Variants in DNM3 observed in about 807,000 individuals in gnomAD.
DNM3 encodes dynamin 3, also known as dynamin-3.
A neutral mutation model predicts 101.6 loss-of-function variants in DNM3; 47 were observed. The observed-to-expected ratio is 0.46, with a 90% CI of 0.37 to 0.59. The LOEUF (loss-of-function observed/expected upper bound fraction) is 0.59. DNM3 is among the 20% of genes least tolerant of loss of function. The pLI is 0.00. For synonymous variants in DNM3, 385 were observed against 387.9 expected, an observed-to-expected ratio of 0.99 and a Z score of 0.09; for missense variants, 849 against 1,085.7, an observed-to-expected ratio of 0.78 and a Z score of 3.06.
In DNM3 at chr1:171,968,778, T is replaced by C. The variant is rs1285184527; in HGVS notation, c.236-18878T>C. On this transcript the variant is annotated intron_variant, in intron 2 of 20. Transcript: ENST00000627582. Reference sequence around the variant, plus strand: ...TCTGTCCCATTTGCTTACTAAGCTATACTAAGGGAAAAAAAATGGGACTAA... The same window carrying C: ...TCTGTCCCATTTGCTTACTAAGCTACACTAAGGGAAAAAAAATGGGACTAA... Among the ~76,000 whole-genome samples, 2 of 152,118 alleles carry C rather than the reference T, an allele frequency of 1.3e-5. 1 individual carries two copies. The highest frequency in any genetic ancestry group is 4.8e-5 in the African/African-American group (2 of 41,434).
rs115098951 is a variant in DNM3 at position 172,088,572 on chromosome 1, A to G, written c.1494-4252A>G. ...GCTTTTAAGATCACTTACAAACCCCAGTCTATGATTGGATAATTCTACCAT... is the reference window on the plus strand; with the variant it reads ...GCTTTTAAGATCACTTACAAACCCCGGTCTATGATTGGATAATTCTACCAT... On this transcript the variant is annotated intron_variant, in intron 12 of 20. Transcript: ENST00000627582. Among the ~76,000 whole-genome samples, 1,075 of 152,232 alleles carry G rather than the reference A, an allele frequency of 7.1e-3. 18 individuals are homozygous for G. Among genetic ancestry groups the G allele is most frequent in the African/African-American group, 0.024 (1,013 of 41,528 alleles).
At chr1:171,932,152 T>C (rs1316434083) in intron 2 of DNM3, among the ~76,000 whole-genome samples, 3 of 147,740 alleles carry the variant, frequency 2.0e-5, no homozygotes, top group East Asian at 4.0e-4. Context: ...CCTTCTTTCC[T>C]CATTTTTGAG....
rs57685535 is a variant in DNM3 at position 172,294,911 on chromosome 1, CAA to C, written c.1770-13799_1770-13798del. On this transcript the variant is annotated intron_variant, in intron 15 of 20. Coordinates refer to ENST00000627582, the MANE Select transcript of DNM3 (RefSeq NM_015569.5). The stretch of plus-strand genomic sequence containing the variant: ...TGGGCAACAGAGCCAGACTTTGTCT[CAA>C]AAAAAAAAAAAAAAAAAGTAAAAAG... 5.5e-3 allele frequency among the ~76,000 whole-genome samples: 476 copies of C among 86,968 alleles called. 5 individuals carry two copies. Among genetic ancestry groups the C allele is most frequent in the African/African-American group, 0.017 (423 of 24,806 alleles). The allele number at this position is 86,968 out of a possible 152,430, so 57.1% of individuals were successfully genotyped here.
At chr1:172,290,681 CA>C (rs1264041241) in intron 15 of DNM3, among the ~76,000 whole-genome samples, 1 of 152,104 alleles carries the variant, frequency 6.6e-6, no homozygotes, top group Non-Finnish European at 1.5e-5. Context: ...TTGTGATAAT[CA>C]TCCCAATGAG....
intron 2 of DNM3, among the ~76,000 whole-genome samples, chr1:171,973,596 TG>T (rs1251781080): frequency 6.6e-5 from 10 of 151,978 alleles, no homozygotes; most frequent in African/African-American, 2.4e-4. Flanking sequence ...AACTGAGGCT[TG>T]GGGAAGTTAA....
intron 1 of DNM3, among the ~76,000 whole-genome samples, chr1:171,859,345 T>C (rs2033942298): frequency 6.6e-6 from 1 of 152,212 alleles, no homozygotes; most frequent in Non-Finnish European, 1.5e-5. Context: ...CATAATTCTC[T>C]GAGCATTTCT....
At position 172,172,958 on chromosome 1, in the gene DNM3, A is replaced by G. The variant is rs116737481; in HGVS notation, c.1659+41670A>G. 3.1e-3 allele frequency among the ~76,000 whole-genome samples: 476 copies of G among 152,004 alleles called. 2 individuals are homozygous for G. Among genetic ancestry groups the G allele is most frequent in the Non-Finnish European group, 5.8e-3 (392 of 67,878 alleles). On this transcript the variant is annotated intron_variant, in intron 14 of 20. Transcript: ENST00000627582. ...CCTTTTAACCTCTTTTAGTAATTCT[A>G]TCTATCATTTGTGCTATGCACATAA... is the stretch of plus-strand genomic sequence containing the variant.
In DNM3 at chr1:172,028,929, C is replaced by CA. The variant is rs965311194; in HGVS notation, c.590-3465dup. The stretch of plus-strand genomic sequence containing the variant: ...AGGCAGTAATTAATAGCCTACCAAC[C>CA]AAAAAAAAGCCCAGGACCAGATAGA... On this transcript the variant is annotated intron_variant, in intron 4 of 20. Coordinates refer to ENST00000627582, the MANE Select transcript of DNM3 (RefSeq NM_015569.5). Among the ~76,000 whole-genome samples the CA allele has an allele frequency of 5.3e-5, 8 of 151,562 alleles. No individual in the cohort carries two copies. The South Asian group carries it at 1.0e-3, about 20-fold the overall frequency.
intron 17 of DNM3, among the ~76,000 whole-genome samples, chr1:172,370,592 A>C (rs1332252303): frequency 6.6e-6 from 1 of 151,950 alleles, no homozygotes; most frequent in African/African-American, 2.4e-5. Context: ...ATTTTGTGCC[A>C]GGTACTCTTC....
At chr1:171,993,067 A>G (rs913162020) in intron 4 of DNM3, among the ~76,000 whole-genome samples, 11 of 152,084 alleles carry the variant, frequency 7.2e-5, no homozygotes, top group African/African-American at 2.4e-4. Context: ...GCCTATCAAC[A>G]CAGAAATATA....
intron 17 of DNM3, among the ~76,000 whole-genome samples, chr1:172,330,667 C>A (rs191459568): frequency 1.3e-5 from 2 of 151,664 alleles, no homozygotes; most frequent in African/African-American, 4.8e-5. Context: ...CTTTGTGTAA[C>A]TTTCAAAAAA....
chr1:172,354,659 G>A (rs1256099742), intron 17 of DNM3, among the ~76,000 whole-genome samples: 2 of 152,096 alleles, frequency 1.3e-5, no homozygotes, highest in Non-Finnish European at 2.9e-5. Context: ...TGTGACAATT[G>A]CTCTTTTAAA....
chr1:172,131,281 A>G lies in DNM3; in HGVS notation c.1652A>G (p.Asp551Gly). 1.2e-6 allele frequency: 2 copies of G among 1,612,844 alleles called. No individual in the cohort carries two copies. The highest frequency in any genetic ancestry group is 1.7e-6 in the Non-Finnish European group (2 of 1,179,154). Reference sequence around the variant, plus strand: ...GCGGAAAGCTTGTCCTGGTATAAAGATGATGAGGTAAGTCACAGAGAGTGA... The same window carrying G: ...GCGGAAAGCTTGTCCTGGTATAAAGGTGATGAGGTAAGTCACAGAGAGTGA... The part of the protein sequence containing the change: ...LTAESLSWYK[D>G]DEEKEKKYML... Residue 551 changes from aspartate to glycine, a missense_variant, in exon 14 of 21, where the codon GAT (aspartate) becomes GGT (glycine). This residue lies in a region of DNM3 where 193 missense variants were observed against 238.4 expected (regional missense o/e 0.81). Transcript: ENST00000627582.
At chr1:172,306,498 T>G (rs553384376) in intron 15 of DNM3, among the ~76,000 whole-genome samples, 1 of 152,258 alleles carries the variant, frequency 6.6e-6, no homozygotes, top group African/African-American at 2.4e-5. Flanking sequence ...AAGCTAACAA[T>G]GACTTTCTTC....
At chr1:171,874,472 G>A (rs1029440234) in intron 1 of DNM3, among the ~76,000 whole-genome samples, 1 of 152,134 alleles carries the variant, frequency 6.6e-6, no homozygotes, top group South Asian at 2.1e-4. Flanking sequence ...CTTAGATATT[G>A]CAGTGACAAA....
At chr1:171,888,594 T>G (rs1401776727) in intron 1 of DNM3, among the ~76,000 whole-genome samples, 2 of 152,182 alleles carry the variant, frequency 1.3e-5, no homozygotes, top group South Asian at 4.1e-4. Context: ...ACTTCTAAGG[T>G]TATTATGAGG....
At position 171,970,107 on chromosome 1, in the gene DNM3, G is replaced by T. The variant is rs532194275; in HGVS notation, c.236-17549G>T. Reference sequence around the variant, plus strand: ...TAAGCACTTATTCTTATTTGGCATAGATAGTTCCTTCCTTCTGCATCCTAC... The same window carrying T: ...TAAGCACTTATTCTTATTTGGCATATATAGTTCCTTCCTTCTGCATCCTAC... On this transcript the variant is annotated intron_variant, in intron 2 of 20. Transcript: ENST00000627582. 2.7e-5 allele frequency: 7 copies of T among 258,462 alleles called. 1 individual carries two copies. In the South Asian group the frequency reaches 1.1e-3, roughly 39 times the overall value. 16.0% of individuals were successfully genotyped at this position (258,462 alleles called of 1,614,324 possible). A position where few individuals can be genotyped will look rare whatever the true frequency, so the allele number is the denominator to read the frequency against.
chr1:172,339,997 C>T (rs893126641), intron 17 of DNM3, among the ~76,000 whole-genome samples: 3 of 152,114 alleles, frequency 2.0e-5, no homozygotes, highest in East Asian at 1.9e-4. Flanking sequence ...AGATAGTATA[C>T]TTCATCCAGT....
chr1:171,951,929 C>T lies in DNM3; in HGVS notation c.235+30108C>T, dbSNP rs115723603. Among the ~76,000 whole-genome samples, 1,221 of 152,150 alleles carry T rather than the reference C, an allele frequency of 8.0e-3. 9 individuals are homozygous for T. Among genetic ancestry groups the T allele is most frequent in the Non-Finnish European group, 0.013 (868 of 68,002 alleles). Reference sequence around the variant, plus strand: ...CATAGCAGGTGTACATTGGTTCAGCCTAAAAAGGAAGAATATCTTGAAGTG... The same window carrying T: ...CATAGCAGGTGTACATTGGTTCAGCTTAAAAAGGAAGAATATCTTGAAGTG... On this transcript the variant is annotated intron_variant, in intron 2 of 20. Transcript: ENST00000627582.
Sources: allele counts gnomAD v4.1 joint callset (sites outside exome capture counted in the v4.1 genomes callset), GRCh38; gene constraint gnomAD v4.1.1; regional missense constraint gnomAD v4.1.1; transcripts MANE v1.5; gene names NCBI Gene and HGNC (gene_info 2026-07-23, HGNC 2026-07-21).